The following CLYBL variants were observed in gnomAD, a reference collection of about 807,000 sequenced individuals.
The protein encoded by CLYBL is citramalyl-CoA lyase, mitochondrial.
CLYBL carries 31 observed loss-of-function variants against 38.9 expected under a neutral mutation model. The observed-to-expected ratio is 0.80, with a 90% CI of 0.60 to 1.08. The LOEUF (loss-of-function observed/expected upper bound fraction) is 1.08. Ranked by LOEUF, CLYBL falls within the 50% of genes least tolerant of loss-of-function variation. The pLI, the probability that CLYBL is intolerant of heterozygous loss-of-function variation, is 0.00. For synonymous variants in CLYBL, 171 were observed against 158.6 expected, an observed-to-expected ratio of 1.08 and a Z score of -0.59; for missense variants, 434 against 411.6, an observed-to-expected ratio of 1.05 and a Z score of -0.47.
At chr13:99,739,187 T>A (rs1277623484) in intron 1 of CLYBL, among the ~76,000 whole-genome samples, 1 of 152,242 alleles carries the variant, frequency 6.6e-6, no homozygotes, top group Admixed American at 6.5e-5. Context: ...AATTTTTTTC[T>A]CCTAATTTCA....
intron 1 of CLYBL, among the ~76,000 whole-genome samples, chr13:99,650,212 G>A (rs1470573679): frequency 6.6e-6 from 1 of 152,014 alleles, no homozygotes. Context: ...GCAGTGAGCA[G>A]AGATTGCGCC....
At chr13:99,624,483 A>C (rs1457995842) in intron 1 of CLYBL, among the ~76,000 whole-genome samples, 2 of 152,240 alleles carry the variant, frequency 1.3e-5, no homozygotes, top group African/African-American at 4.8e-5. Flanking sequence ...ATCAAATCTG[A>C]AGTTTCCTTG....
intron 1 of CLYBL, among the ~76,000 whole-genome samples, chr13:99,616,444 G>A (rs1378896642): frequency 6.6e-6 from 1 of 152,214 alleles, no homozygotes; most frequent in African/African-American, 2.4e-5. Context: ...TGTTCATTTA[G>A]TCTGTTTCCA....
intron 9 of CLYBL, among the ~76,000 whole-genome samples, chr13:99,905,708 G>C (rs1252231803): frequency 7.8e-6 from 1 of 127,588 alleles, no homozygotes; most frequent in African/African-American, 2.9e-5. Context: ...AGTGTTTTTT[G>C]GTTGTTGTTT....
intron 2 of CLYBL, among the ~76,000 whole-genome samples, chr13:99,856,788 G>A (rs1406948623): frequency 4.6e-5 from 7 of 151,832 alleles, no homozygotes; most frequent in Non-Finnish European, 1.0e-4. Context: ...ACAGGTATGT[G>A]CCACTACACC....
intron 1 of CLYBL, among the ~76,000 whole-genome samples, chr13:99,763,064 G>A (rs1270651745): frequency 6.6e-6 from 1 of 152,202 alleles, no homozygotes; most frequent in African/African-American, 2.4e-5. Flanking sequence ...TCTAACAGCT[G>A]TTTGGTGGAA....
At chr13:99,786,140 C>G (rs539827162) in intron 2 of CLYBL, among the ~76,000 whole-genome samples, 1 of 150,770 alleles carries the variant, frequency 6.6e-6, no homozygotes, top group East Asian at 1.9e-4. Context: ...TTCTGCCAGA[C>G]CTATTGTTTT....
chr13:99,832,717 A>G (rs2050830064), intron 2 of CLYBL, among the ~76,000 whole-genome samples: 1 of 151,992 alleles, frequency 6.6e-6, no homozygotes, highest in East Asian at 1.9e-4. Flanking sequence ...TAGAATTAGG[A>G]ACTTGGCTTT....
chr13:99,729,031 A>G (rs953829887), intron 1 of CLYBL, among the ~76,000 whole-genome samples: 1 of 152,234 alleles, frequency 6.6e-6, no homozygotes. Flanking sequence ...GGGCCTTGCT[A>G]TGGGAACCAG....
At chr13:99,901,419 T>C (rs1013796955), downstream of CLYBL, among the ~76,000 whole-genome samples, 2 of 152,172 alleles carry the variant, frequency 1.3e-5, no homozygotes, top group African/African-American at 4.8e-5. Flanking sequence ...CATGAGCTGC[T>C]TGCAGGACAT....
chr13:99,814,461 A>T (rs2761165), intron 2 of CLYBL, among the ~76,000 whole-genome samples: 102,527 of 152,174 alleles, frequency 0.67, 36,263 homozygotes, highest in East Asian at 0.93. Flanking sequence ...AGTGGCTTAT[A>T]ATTGTAATTC....
chr13:99,822,134 C>A (rs2139036773), intron 2 of CLYBL, among the ~76,000 whole-genome samples: 1 of 152,312 alleles, frequency 6.6e-6, no homozygotes, highest in South Asian at 2.1e-4. Flanking sequence ...ATAAGTGACC[C>A]CTGGCGAGAC....
intron 1 of CLYBL, among the ~76,000 whole-genome samples, chr13:99,748,447 TTTTTTTTTTTG>T: frequency 7.3e-6 from 1 of 136,512 alleles, no homozygotes; most frequent in African/African-American, 2.8e-5. Context: ...TTTTTTTTTT[TTTTTTTTTTTG>T]AGATGGAGTC....
intron 1 of CLYBL, among the ~76,000 whole-genome samples, chr13:99,698,586 A>G (rs923218990): frequency 6.6e-6 from 1 of 152,208 alleles, no homozygotes; most frequent in African/African-American, 2.4e-5. Context: ...AAGTAATTTT[A>G]TTAACTGAGG....
chr13:99,814,729 GA>G (rs36062611), intron 2 of CLYBL, among the ~76,000 whole-genome samples: 1,453 of 123,794 alleles, frequency 0.012, 18 homozygotes, highest in African/African-American at 0.037. Flanking sequence ...CCCTGTCTCA[GA>G]AAAAAAAAAA....
chr13:99,755,284 C>T (rs528748605), intron 1 of CLYBL, among the ~76,000 whole-genome samples: 1 of 152,216 alleles, frequency 6.6e-6, no homozygotes, highest in Non-Finnish European at 1.5e-5. Context: ...AGGAAGTGTA[C>T]AAACCATGTC....
intron 1 of CLYBL, among the ~76,000 whole-genome samples, chr13:99,764,288 A>G (rs887363421): frequency 2.0e-5 from 3 of 151,104 alleles, no homozygotes; most frequent in Admixed American, 2.0e-4. Flanking sequence ...CTGGCTCTTC[A>G]GTTTTTTTGA....
chr13:99,689,258 G>C (rs2047864150), intron 1 of CLYBL, among the ~76,000 whole-genome samples: 2 of 152,212 alleles, frequency 1.3e-5, no homozygotes, highest in African/African-American at 2.4e-5. Context: ...ATACATACCA[G>C]GTCAGAATGG....
rs149502351 is a variant in CLYBL, at chr13:99,859,213, A to G, written c.438+164A>G. Among the ~76,000 whole-genome samples the G allele has an allele frequency of 3.2e-4, 48 of 152,368 alleles. No individual in the cohort carries two copies. The East Asian group carries it at 9.1e-3, about 29-fold the overall frequency. The stretch of plus-strand genomic sequence containing the variant: ...AAGTATCCGTTTCTTTTACACAAGG[A>G]AAACTCGCCTTTGCCCAAAGTGTTC... On this transcript the variant is annotated intron_variant, in intron 3 of 8. Transcript: ENST00000339105.
Sources: allele counts gnomAD v4.1 joint callset (sites outside exome capture counted in the v4.1 genomes callset), GRCh38; gene constraint gnomAD v4.1.1; transcripts MANE v1.5; gene names NCBI Gene and HGNC (gene_info 2026-07-23, HGNC 2026-07-21).